Variants in ARHGAP20 observed in about 807,000 individuals in gnomAD.
ARHGAP20 encodes the protein Rho GTPase activating protein 20.
In ARHGAP20, 34 loss-of-function variants were observed where a neutral mutation model predicts 73.7. The observed-to-expected ratio is 0.46, with a 90% CI of 0.35 to 0.61. ARHGAP20 has a LOEUF of 0.61. Among genes scored for constraint, ARHGAP20 ranks in the 20% least tolerant of loss-of-function variants. ARHGAP20 has a pLI of 0.00. For synonymous variants in ARHGAP20, 523 were observed against 518.2 expected (o/e 1.01, Z -0.13); for missense variants, 1,314 against 1,420.9 (o/e 0.92, Z 1.21).
intron 2 of ARHGAP20, among the ~76,000 whole-genome samples, chr11:110,657,553 A>G (rs1466305689): frequency 1.3e-5 from 2 of 152,134 alleles, no homozygotes; most frequent in Non-Finnish European, 2.9e-5. Context: ...GTAGACAAAC[A>G]GAAGGGGAGT....
intron 2 of ARHGAP20, among the ~76,000 whole-genome samples, chr11:110,657,920 G>A (rs866133546): frequency 7.5e-6 from 1 of 134,056 alleles, no homozygotes; most frequent in Non-Finnish European, 1.6e-5. Context: ...AAAAGAGAGA[G>A]AGGAAGGAAG....
At position 110,580,845 on chromosome 11, in the gene ARHGAP20, G is replaced by T. The variant is rs768772740; in HGVS notation, c.2101C>A (p.Arg701=). Residue 701 remains arginine, a synonymous_variant, in exon 15 of 15, where the codon CGG becomes AGG. Transcript: ENST00000683387. ...ANAAKSLRRH[R]RCSEPSIDYL... ...TCGATGCTGGGCTCTGAGCAACGCC[G>T]GTGTCGCCTCAGGCTTTTTGCAGCA... 2 of 1,613,424 alleles carry T rather than the reference G, an allele frequency of 1.2e-6. No individual in the cohort carries two copies. The highest frequency in any genetic ancestry group is 2.2e-5 in the South Asian group (2 of 91,052).
intron 5 of ARHGAP20, among the ~76,000 whole-genome samples, chr11:110,614,973 T>C (rs923088660): frequency 1.3e-5 from 2 of 152,152 alleles, no homozygotes; most frequent in Admixed American, 6.6e-5. Flanking sequence ...TATAGGAACA[T>C]ATATAATAAA....
Position 110,712,314 on chromosome 11 carries a change from G to T in ARHGAP20, c.-83C>A, listed in dbSNP as rs566328657. On this transcript the variant is annotated 5_prime_UTR_variant, in exon 1 of 15. Coordinates refer to ENST00000683387, the MANE Select transcript of ARHGAP20 (RefSeq NM_001384657.1). The stretch of plus-strand genomic sequence containing the variant: ...GGCTGCCGGCCGGAGGGGCGAGGAC[G>T]CGCGGGCGGAGGCGCGGCTGCCGTG... 725 of 1,160,764 alleles carry T rather than the reference G, an allele frequency of 6.2e-4. 5 individuals carry two copies. In the African/African-American group the frequency reaches 0.01, roughly 17 times the overall value. The allele number at this position is 1,160,764 out of a possible 1,614,324, so 71.9% of individuals were successfully genotyped here. A position where few individuals can be genotyped will look rare whatever the true frequency, so the allele number is the denominator to read the frequency against.
In ARHGAP20 at chr11:110,577,463, G is replaced by C; in HGVS notation, c.*1907C>G. The C allele has an allele frequency of 9.8e-7, 1 of 1,019,946 alleles. No homozygotes were observed. The highest frequency in any genetic ancestry group is 4.9e-5 in the South Asian group (1 of 20,410). The allele number at this position is 1,019,946 out of a possible 1,614,324, so 63.2% of individuals were successfully genotyped here. ...AAATTGGGTGAATGATTTTTTACCT[G>C]CTAACATGAAAAAAAAAAAAAAGGC... On this transcript the variant is annotated 3_prime_UTR_variant, in exon 15 of 15. Transcript: ENST00000683387.
intron 1 of ARHGAP20, among the ~76,000 whole-genome samples, chr11:110,693,554 A>G (rs1461446968): frequency 6.6e-6 from 1 of 151,988 alleles, no homozygotes; most frequent in Non-Finnish European, 1.5e-5. Context: ...CAAGCAGCCA[A>G]TATAACCAGG....
chr11:110,707,449 G>A (rs1172617107), intron 1 of ARHGAP20, among the ~76,000 whole-genome samples: 1 of 152,054 alleles, frequency 6.6e-6, no homozygotes, highest in Non-Finnish European at 1.5e-5. Context: ...CAAATTTATT[G>A]TATATTCTTT....
At chr11:110,671,874 T>C (rs1410757299) in intron 2 of ARHGAP20, among the ~76,000 whole-genome samples, 3 of 151,932 alleles carry the variant, frequency 2.0e-5, no homozygotes, top group African/African-American at 7.2e-5. Flanking sequence ...GGTTCCAGAG[T>C]GAAAACGTAT....
chr11:110,703,039 C>A (rs1012094498), intron 1 of ARHGAP20, among the ~76,000 whole-genome samples: 17 of 152,042 alleles, frequency 1.1e-4, no homozygotes, highest in African/African-American at 4.1e-4. Context: ...TACTTTTAAC[C>A]TTGCACCTTG....
rs78400161 is a variant in ARHGAP20 at position 110,578,834 on chromosome 11, T to G, written c.*536A>C. 2.6e-3 allele frequency: 2,564 copies of G among 985,930 alleles called. 41 individuals are homozygous for G. In the African/African-American group the frequency reaches 0.035, roughly 14 times the overall value. The allele number at this position is 985,930 out of a possible 1,614,324, so 61.1% of individuals were successfully genotyped here. On this transcript the variant is annotated 3_prime_UTR_variant, in exon 15 of 15. Transcript: ENST00000683387. ...CTGTAAGGACACGTGATTAGTAAGA[T>G]CCCACAAAAATGGCCACTGGCTTAG... is the stretch of plus-strand genomic sequence containing the variant.
chr11:110,579,963 C>T lies in ARHGAP20; in HGVS notation c.2983G>A (p.Ala995Thr), dbSNP rs1452278666. ...CCGGGCATTCCGGAAACATGGCTGG[C>T]ATTGCTAAAGTCAGGAGAAAGGTCT... ...REDLSPDFSN[A>T]SHVSGMPGPS... is the part of the protein sequence containing the mutation. Residue 995 changes from alanine to threonine, a missense_variant, in exon 15 of 15, where the codon GCC becomes ACC. Physicochemically the swap from Ala to Thr is moderately conservative, Grantham distance 58. Coordinates refer to ENST00000683387, the MANE Select transcript of ARHGAP20 (RefSeq NM_001384657.1). 3.7e-6 allele frequency: 6 copies of T among 1,614,218 alleles called. No individual in the cohort carries two copies. The highest frequency in any genetic ancestry group is 5.1e-6 in the Non-Finnish European group (6 of 1,180,032).
At position 110,711,456 on chromosome 11, in the gene ARHGAP20, T is replaced by C. The variant is rs1049937346; in HGVS notation, c.105+671A>G. Among the ~76,000 whole-genome samples the C allele has an allele frequency of 4.2e-5, 5 of 118,648 alleles. No homozygotes were observed. The Admixed American group carries it at 5.9e-4, about 14-fold the overall frequency. 77.8% of individuals were successfully genotyped at this position (118,648 alleles called of 152,430 possible). A position where few individuals can be genotyped will look rare whatever the true frequency, so the allele number is the denominator to read the frequency against. On this transcript the variant is annotated intron_variant, in intron 1 of 14. Coordinates refer to ENST00000683387, the MANE Select transcript of ARHGAP20 (RefSeq NM_001384657.1). Reference sequence around the variant, plus strand: ...GGTTCTAGGCCCAGCCGAACCTACATGTCCCCGTAGTGTCGAGCGTTATCA... The same window carrying C: ...GGTTCTAGGCCCAGCCGAACCTACACGTCCCCGTAGTGTCGAGCGTTATCA...
At chr11:110,666,275 G>C (rs186256176) in intron 2 of ARHGAP20, among the ~76,000 whole-genome samples, 1 of 152,272 alleles carries the variant, frequency 6.6e-6, no homozygotes, top group East Asian at 1.9e-4. Context: ...CTAAAATGTT[G>C]ATTTTACCCA....
chr11:110,675,436 C>A (rs1023510339), intron 2 of ARHGAP20, among the ~76,000 whole-genome samples: 1 of 152,122 alleles, frequency 6.6e-6, no homozygotes, highest in Non-Finnish European at 1.5e-5. Flanking sequence ...GGTTCCCAAC[C>A]TTTTTGGCAC....
Position 110,624,182 on chromosome 11 carries a change from C to T in ARHGAP20, c.483G>A (p.Val161=), listed in dbSNP as rs775151534. 5.0e-6 allele frequency: 8 copies of T among 1,611,260 alleles called. No individual in the cohort carries two copies. The highest frequency in any genetic ancestry group is 6.8e-6 in the Non-Finnish European group (8 of 1,179,294). The part of the protein sequence containing the change: ...MKSFVLGWPT[V]NFVATFSSPE... ...CTTACCTGAAAGTGGCCACAAAGTTCACTGTGGGCCAGCCCAAAACAAAGG... is the reference window on the plus strand; with the variant it reads ...CTTACCTGAAAGTGGCCACAAAGTTTACTGTGGGCCAGCCCAAAACAAAGG... The change falls in exon 4 of 15, where the codon GTG becomes GTA. Residue 161 remains valine (V), a synonymous_variant. Coordinates refer to ENST00000683387, the MANE Select transcript of ARHGAP20 (RefSeq NM_001384657.1).
intron 4 of ARHGAP20, among the ~76,000 whole-genome samples, chr11:110,617,173 T>C (rs1180019381): frequency 1.3e-5 from 2 of 152,164 alleles, no homozygotes; most frequent in Non-Finnish European, 2.9e-5. Context: ...CTATTTTGTG[T>C]CTGGCTTCTT....
At chr11:110,693,138 G>C (rs1279515610) in intron 1 of ARHGAP20, among the ~76,000 whole-genome samples, 3 of 152,008 alleles carry the variant, frequency 2.0e-5, no homozygotes, top group African/African-American at 7.2e-5. Flanking sequence ...TTGTATAATA[G>C]TGAATAGAAT....
intron 3 of ARHGAP20, among the ~76,000 whole-genome samples, chr11:110,624,703 G>T (rs1298387243): frequency 2.0e-5 from 3 of 152,036 alleles, no homozygotes; most frequent in Non-Finnish European, 4.4e-5. Context: ...CTAATCATGG[G>T]CAAAGTGTCT....
At chr11:110,702,521 G>A (rs2135145905) in intron 1 of ARHGAP20, among the ~76,000 whole-genome samples, 1 of 152,258 alleles carries the variant, frequency 6.6e-6, no homozygotes, top group South Asian at 2.1e-4. Context: ...ACATAGTGTT[G>A]GAAGTTCTGG....
Sources: allele counts gnomAD v4.1 joint callset (sites outside exome capture counted in the v4.1 genomes callset), GRCh38; gene constraint gnomAD v4.1.1; transcripts MANE v1.5; gene names NCBI Gene and HGNC (gene_info 2026-07-23, HGNC 2026-07-21).